Variants in IQSEC1 observed in about 807,000 individuals in gnomAD.
IQSEC1 encodes IQ motif and Sec7 domain ArfGEF 1, also known as IQ motif and SEC7 domain-containing protein 1.
Under a neutral mutation model 91.0 loss-of-function variants are expected in IQSEC1, and 31 were observed. That is an observed-to-expected ratio of 0.34 (90% CI 0.26 to 0.46). The LOEUF is 0.46. IQSEC1 is among the 20% of genes least tolerant of loss of function. IQSEC1 has a pLI of 1.00. For synonymous variants in IQSEC1, 699 were observed against 662.6 expected (o/e 1.05, Z -0.84); for missense variants, 1,388 against 1,575.6 (o/e 0.88, Z 2.02).
chr3:12,995,601 C>A (rs360835), intron 1 of IQSEC1, among the ~76,000 whole-genome samples: 148,868 of 152,342 alleles, frequency 0.98, 72,756 homozygotes, highest in East Asian at 1. Flanking sequence ...GAAGCTGTAG[C>A]GTCTAAGCAG....
chr3:13,029,698 A>ACATGCGGTGTGAGATGTGTGTGTGCGTG (rs1703769771), intron 1 of IQSEC1, among the ~76,000 whole-genome samples: 1 of 152,230 alleles, frequency 6.6e-6, no homozygotes, highest in Non-Finnish European at 1.5e-5. Flanking sequence ...GTGTGTGCGC[A>ACATGCGGTGTGAGATGTGTGTGTGCGTG]CATGCGGTGT....
Position 12,901,213 on chromosome 3 carries a change from G to C in IQSEC1, c.3115C>G (p.Pro1039Ala). Residue 1039 changes from proline (P) to alanine (A), a missense_variant, in exon 14 of 14, where the codon CCG becomes GCG. By Grantham distance (27) the Pro-to-Ala change is conservative. Transcript: ENST00000613206. ...TQYCHMQNPPPYHHHHHHHPP... is the reference protein window; with the variant it reads ...TQYCHMQNPPAYHHHHHHHPP... Reference sequence around the variant, plus strand: ...TGGTGGTGGTGGTGATGGTGGTACGGGGGAGGGTTCTGCATGTGGCAGTAC... The same window carrying C: ...TGGTGGTGGTGGTGATGGTGGTACGCGGGAGGGTTCTGCATGTGGCAGTAC... The C allele has an allele frequency of 6.5e-7, 1 of 1,547,608 alleles. No individual in the cohort carries two copies. Among genetic ancestry groups the C allele is most frequent in the Non-Finnish European group, 8.7e-7 (1 of 1,145,788 alleles).
intron 2 of IQSEC1, among the ~76,000 whole-genome samples, chr3:13,149,470 C>T (rs1706954320): frequency 6.6e-6 from 1 of 152,214 alleles, no homozygotes; most frequent in African/African-American, 2.4e-5. Flanking sequence ...GACCAAATTC[C>T]CCCGAAGAGC....
chr3:13,053,056 T>C (rs970199972), intron 1 of IQSEC1: 57 of 1,091,252 alleles, frequency 5.2e-5, no homozygotes, highest in Non-Finnish European at 7.2e-5. Flanking sequence ...CACGGGGGAA[T>C]GGGACGATTT....
chr3:13,280,469 C>T (rs1365719193), intron 1 of IQSEC1, among the ~76,000 whole-genome samples: 6 of 152,226 alleles, frequency 3.9e-5, no homozygotes, highest in East Asian at 1.9e-4. Context: ...GTGATGCCCC[C>T]GTCCCTGTGA....
intron 1 of IQSEC1, among the ~76,000 whole-genome samples, chr3:13,071,419 C>T (rs554157059): frequency 6.6e-6 from 1 of 152,240 alleles, no homozygotes; most frequent in African/African-American, 2.4e-5. Context: ...CATGACATCT[C>T]CCCTCCCCGA....
chr3:13,139,635 G>A (rs892161561), intron 2 of IQSEC1, among the ~76,000 whole-genome samples: 3 of 152,212 alleles, frequency 2.0e-5, no homozygotes, highest in African/African-American at 7.2e-5. Flanking sequence ...TTCGTTTTAT[G>A]AAAATTTTAA....
chr3:12,967,669 C>T lies in IQSEC1; in HGVS notation c.24-25804G>A, dbSNP rs538106133. The T allele has an allele frequency of 1.8e-3, 2,158 of 1,174,966 alleles. 25 individuals are homozygous for T. The African/African-American group carries it at 0.032, about 17-fold the overall frequency. The allele number at this position is 1,174,966 out of a possible 1,614,324, so 72.8% of individuals were successfully genotyped here. ...CGAGCCCCAGGCCAGCCAAGCCCGC[C>T]CCTCCGCCGCCGCCCGCTTGGCGCA... On this transcript the variant is annotated intron_variant, in intron 1 of 13. Transcript: ENST00000613206. The surrounding 1 kb of genome is among the most constrained non-coding windows in gnomAD (Gnocchi z 5.9).
rs1702178217 is a variant in IQSEC1, at chr3:12,995,129, G to A, written c.24-53264C>T. The A allele has an allele frequency of 3.3e-5, 5 of 152,374 alleles. No homozygotes were observed. In the South Asian group the frequency reaches 1.0e-3, roughly 32 times the overall value. The allele number at this position is 152,374 out of a possible 1,614,324, so 9.4% of individuals were successfully genotyped here. On this transcript the variant is annotated intron_variant, in intron 1 of 13. Transcript: ENST00000613206. ...GCGTCAGGTGGCGGGCTGCGATTGGGACGAGGCGCCCCCTGGTGCCCGGAG... is the reference window on the plus strand; with the variant it reads ...GCGTCAGGTGGCGGGCTGCGATTGGAACGAGGCGCCCCCTGGTGCCCGGAG...
intron 1 of IQSEC1, among the ~76,000 whole-genome samples, chr3:13,200,207 A>T: frequency 6.7e-6 from 1 of 149,294 alleles, no homozygotes; most frequent in South Asian, 2.1e-4. Context: ...CACATCACAC[A>T]CTATATGCAT....
At chr3:13,010,221 G>A (rs1028235061) in intron 1 of IQSEC1, among the ~76,000 whole-genome samples, 1 of 152,344 alleles carries the variant, frequency 6.6e-6, no homozygotes, top group African/African-American at 2.4e-5. Flanking sequence ...AATGGTGGAT[G>A]CAGGATGTTT....
intron 1 of IQSEC1, among the ~76,000 whole-genome samples, chr3:13,279,532 A>T (rs1030800628): frequency 1.8e-4 from 28 of 152,196 alleles, no homozygotes; most frequent in Non-Finnish European, 1.5e-5. Context: ...CATCCTGCCC[A>T]TGGACTGCAT....
At chr3:13,026,231 G>T (rs1703607499) in intron 1 of IQSEC1, among the ~76,000 whole-genome samples, 1 of 152,222 alleles carries the variant, frequency 6.6e-6, no homozygotes, top group African/African-American at 2.4e-5. Flanking sequence ...TCTGGTTCAT[G>T]AAACTGTTCT....
At chr3:13,028,892 C>G (rs1281083539) in intron 1 of IQSEC1, among the ~76,000 whole-genome samples, 1 of 152,208 alleles carries the variant, frequency 6.6e-6, no homozygotes, top group Non-Finnish European at 1.5e-5. Flanking sequence ...ATCTGGGACT[C>G]CGGATCAGAA....
intron 1 of IQSEC1, among the ~76,000 whole-genome samples, chr3:13,258,766 G>A (rs1695333176): frequency 2.0e-5 from 3 of 152,284 alleles, no homozygotes; most frequent in African/African-American, 4.8e-5. Flanking sequence ...CCAGTGAGGA[G>A]CACAACCAGC....
At chr3:12,946,630 G>C (rs780117469) in intron 1 of IQSEC1, among the ~76,000 whole-genome samples, 15 of 152,154 alleles carry the variant, frequency 9.9e-5, no homozygotes, top group Non-Finnish European at 1.8e-4. Flanking sequence ...CCACACACTG[G>C]AAATAACATC....
intron 2 of IQSEC1, among the ~76,000 whole-genome samples, chr3:13,131,007 A>G (rs566519318): frequency 6.9e-6 from 1 of 145,260 alleles, no homozygotes; most frequent in African/African-American, 2.7e-5. Flanking sequence ...AGAAGGAGGG[A>G]AGGAAGGAAC....
chr3:13,023,127 C>T (rs759168066), intron 1 of IQSEC1, among the ~76,000 whole-genome samples: 4 of 152,334 alleles, frequency 2.6e-5, no homozygotes, highest in Admixed American at 6.5e-5. Flanking sequence ...GGGATTTGAA[C>T]CTTGGCAGTC....
intron 6 of IQSEC1, among the ~76,000 whole-genome samples, chr3:12,917,102 G>C (rs773312011): frequency 2.0e-5 from 3 of 152,140 alleles, no homozygotes; most frequent in Non-Finnish European, 2.9e-5. Flanking sequence ...ATTATTTTTA[G>C]AGCAGGTGTA....
Sources: allele counts gnomAD v4.1 joint callset (sites outside exome capture counted in the v4.1 genomes callset), GRCh38; gene constraint gnomAD v4.1.1; non-coding constraint Gnocchi (gnomAD v3.1); transcripts MANE v1.5; gene names NCBI Gene and HGNC (gene_info 2026-07-23, HGNC 2026-07-21).